Variants in PLA1A observed in about 807,000 individuals in gnomAD.
PLA1A encodes the protein phospholipase A1 member A, also known as phosphatidylserine-specific phospholipase A1alpha.
In PLA1A, 47 loss-of-function variants were observed where a neutral mutation model predicts 49.4. The ratio of observed to expected loss-of-function variants is 0.95; its 90% CI spans 0.75 to 1.21. The LOEUF is 1.21. Among genes scored for constraint, PLA1A ranks in the 50% most tolerant of loss-of-function variants. The probability of loss-of-function intolerance (pLI) is 0.00; values close to 1 mark genes in which losing one functional copy is unlikely to be tolerated. For synonymous variants in PLA1A, 224 were observed against 207.9 expected (o/e 1.08, Z -0.67); for missense variants, 561 against 563.9 (o/e 0.99, Z 0.05).
At chr3:119,614,233 T>G (rs1352064154) in intron 5 of PLA1A, among the ~76,000 whole-genome samples, 5 of 152,192 alleles carry the variant, frequency 3.3e-5, no homozygotes, top group Non-Finnish European at 1.5e-5. Context: ...TCTTCCCACC[T>G]TTATTTCACA....
chr3:119,619,027 A>G (rs760552493), intron 7 of PLA1A, among the ~76,000 whole-genome samples: 2 of 152,162 alleles, frequency 1.3e-5, no homozygotes, highest in African/African-American at 2.4e-5. Flanking sequence ...GCCACCTCAC[A>G]CTGTCTGCCC....
intron 5 of PLA1A, among the ~76,000 whole-genome samples, chr3:119,613,339 T>C (rs1019277670): frequency 1.3e-5 from 2 of 152,264 alleles, no homozygotes; most frequent in Non-Finnish European, 2.9e-5. Context: ...GGCAAGAGGA[T>C]TCTCATTTAT....
chr3:119,619,982 GC>G (rs1332511649), intron 8 of PLA1A: 2 of 452,458 alleles, frequency 4.4e-6, no homozygotes, highest in Non-Finnish European at 8.7e-6. Flanking sequence ...ACTTCTTGGC[GC>G]CCACCCTATG....
At chr3:119,601,558 G>A (rs548225110) in intron 1 of PLA1A, among the ~76,000 whole-genome samples, 7 of 152,212 alleles carry the variant, frequency 4.6e-5, no homozygotes, top group Non-Finnish European at 1.0e-4. Flanking sequence ...ATACTCATGT[G>A]TCACTGTTCT....
chr3:119,629,607 T>C lies in PLA1A; in HGVS notation c.*139T>C. 1 of 610,346 alleles carries C rather than the reference T, an allele frequency of 1.6e-6. No homozygotes were observed. The highest frequency in any genetic ancestry group is 1.8e-5 in the African/African-American group (1 of 54,358). The allele number at this position is 610,346 out of a possible 1,614,324, so 37.8% of individuals were successfully genotyped here. ...GCAAAGCTCTTTCTTATTTTCCTCATAATCAGCTACCCTGGAGGGGAGGGA... is the reference window on the plus strand; with the variant it reads ...GCAAAGCTCTTTCTTATTTTCCTCACAATCAGCTACCCTGGAGGGGAGGGA... On this transcript the variant is annotated 3_prime_UTR_variant, in exon 11 of 11. Coordinates refer to ENST00000273371, the MANE Select transcript of PLA1A (RefSeq NM_015900.4).
In PLA1A at chr3:119,628,883, C is replaced by A; in HGVS notation, c.1286+18C>A. ...AATGACAGGTAAGCCCCAGTATTCA[C>A]CTCTGCACCAGATGCACTCACACAT... On this transcript the variant is annotated intron_variant, in intron 10 of 10. Coordinates refer to ENST00000273371, the MANE Select transcript of PLA1A (RefSeq NM_015900.4). The A allele has an allele frequency of 6.2e-7, 1 of 1,605,084 alleles. No individual in the cohort carries two copies. The highest frequency in any genetic ancestry group is 1.7e-5 in the Admixed American group (1 of 59,880).
intron 2 of PLA1A, 43 bp downstream of exon 2, chr3:119,607,018 T>A: frequency 6.8e-7 from 1 of 1,474,566 alleles, no homozygotes; most frequent in Non-Finnish European, 9.5e-7. Context: ...CTAAGAATGA[T>A]CAAGTAACCA....
At chr3:119,612,111 C>T (rs561516080) in intron 4 of PLA1A, among the ~76,000 whole-genome samples, 1 of 152,306 alleles carries the variant, frequency 6.6e-6, no homozygotes, top group African/African-American at 2.4e-5. Context: ...TCTTGTTTTA[C>T]AGAATCTCAA....
At chr3:119,617,579 T>C (rs1273972570) in intron 6 of PLA1A, among the ~76,000 whole-genome samples, 1 of 151,676 alleles carries the variant, frequency 6.6e-6, no homozygotes, top group Non-Finnish European at 1.5e-5. Flanking sequence ...CCTGTTTCTA[T>C]GAAAAATACA....
chr3:119,599,861 A>T (rs111454170), intron 1 of PLA1A, among the ~76,000 whole-genome samples: 1 of 151,944 alleles, frequency 6.6e-6, no homozygotes, highest in African/African-American at 2.4e-5. Context: ...TGAGTGTTTC[A>T]CTGTCAACAG....
intron 1 of PLA1A, among the ~76,000 whole-genome samples, chr3:119,601,046 C>T (rs1261510242): frequency 2.6e-5 from 4 of 152,244 alleles, no homozygotes; most frequent in Admixed American, 1.3e-4. Context: ...GTGCCTGCTT[C>T]CCGACACATG....
chr3:119,615,880 A>G, intron 5 of PLA1A, 132 bp from the exon 6 acceptor site: 1 of 642,290 alleles, frequency 1.6e-6, no homozygotes, highest in Non-Finnish European at 2.8e-6. Flanking sequence ...CTGAGGGCTC[A>G]TCCTGTGAAG....
chr3:119,608,245 A>AAAG (rs2082717694), intron 2 of PLA1A, among the ~76,000 whole-genome samples: 2 of 43,322 alleles, frequency 4.6e-5, no homozygotes, highest in Non-Finnish European at 1.2e-4. Flanking sequence ...AGAAAGAGAG[A>AAAG]AAGAAAGAAA....
Position 119,629,637 on chromosome 3 carries a change from T to G in PLA1A, c.*169T>G, listed in dbSNP as rs1033663003. On this transcript the variant is annotated 3_prime_UTR_variant, in exon 11 of 11. Transcript: ENST00000273371. ...AGCTACCCTGGAGGGGAGGGAGAAC[T>G]CATTTTACAGAACTTGGTTTCCTTT... is the stretch of plus-strand genomic sequence containing the variant. The G allele has an allele frequency of 3.6e-5, 21 of 583,248 alleles. No individual in the cohort carries two copies. Among genetic ancestry groups the G allele is most frequent in the Non-Finnish European group, 5.8e-5 (19 of 327,744 alleles). 36.1% of individuals were successfully genotyped at this position (583,248 alleles called of 1,614,324 possible).
intron 1 of PLA1A, chr3:119,600,497 T>C (rs1400545074): frequency 1.5e-6 from 1 of 683,958 alleles, no homozygotes; most frequent in Non-Finnish European, 2.7e-6. Flanking sequence ...TTATTTTCCC[T>C]TTCTCCGCTA....
intron 8 of PLA1A, 72 bp downstream of exon 8, chr3:119,619,724 C>T: frequency 1.9e-6 from 2 of 1,046,236 alleles, no homozygotes; most frequent in Non-Finnish European, 3.0e-6. Context: ...AGTGTGGTAG[C>T]CTGGGTGGGA....
intron 7 of PLA1A, among the ~76,000 whole-genome samples, chr3:119,618,659 G>A (rs2082887138): frequency 6.6e-6 from 1 of 152,202 alleles, no homozygotes. Flanking sequence ...GCACCTTCCT[G>A]GATGATCCAG....
At chr3:119,607,878 A>T (rs2082709932) in intron 2 of PLA1A, among the ~76,000 whole-genome samples, 1 of 152,190 alleles carries the variant, frequency 6.6e-6, no homozygotes, top group African/African-American at 2.4e-5. Flanking sequence ...GCACACACCC[A>T]GTCCGCGCTC....
chr3:119,614,898 G>A (rs2082824466), intron 5 of PLA1A, among the ~76,000 whole-genome samples: 1 of 152,216 alleles, frequency 6.6e-6, no homozygotes, highest in Non-Finnish European at 1.5e-5. Flanking sequence ...AAGCCCGGAT[G>A]CCCATTAGAG....
Sources: gnomAD v4.1 joint callset for allele counts (sites outside exome capture counted in the v4.1 genomes callset) on GRCh38, gnomAD v4.1.1 for gene constraint, MANE v1.5 for transcripts, NCBI Gene and HGNC (gene_info 2026-07-23, HGNC 2026-07-21) for gene names.